The following TMC2 variants were observed in gnomAD, a reference collection of about 807,000 sequenced individuals.
TMC2 encodes the protein transmembrane channel-like protein 2.
TMC2 carries 102 observed loss-of-function variants against 105.9 expected under a neutral mutation model. The observed-to-expected ratio is 0.96, with a 90% CI of 0.82 to 1.14. TMC2 has a LOEUF of 1.14. Ranked by LOEUF, TMC2 falls within the 50% of genes most tolerant of loss-of-function variation. TMC2 has a pLI of 0.00. For missense variants in TMC2, 1,093 were observed against 1,134.3 expected, an observed-to-expected ratio of 0.96 and a Z score of 0.52; for synonymous variants, 402 against 422.8, an observed-to-expected ratio of 0.95 and a Z score of 0.60.
rs1292472332 is a variant in TMC2 at position 2,641,146 on chromosome 20, C to T, written c.2516C>T (p.Pro839Leu). 1 of 1,614,058 alleles carries T rather than the reference C, an allele frequency of 6.2e-7. No homozygotes were observed. The highest frequency in any genetic ancestry group is 1.3e-5 in the African/African-American group (1 of 74,932). The change falls in exon 20 of 20, where the codon CCC (proline) becomes CTC (leucine). Residue 839 changes from proline to leucine, a missense_variant. Transcript: ENST00000358864. ...GTTCGTTTTCCAGAGACCACTCCTC[C>T]CTCTGCCAGCCAAAGCCAGGCCATG... ...LQLTKEETTP[P>L]SASQSQAMDK...
rs2086001643 is a variant in TMC2 at position 2,558,681 on chromosome 20, A to G, written c.308A>G (p.Glu103Gly). The change falls in exon 3 of 20, where the codon GAG (glutamate) becomes GGG (glycine). Residue 103 changes from glutamate (E) to glycine (G), a missense_variant. Transcript: ENST00000358864. This position sits in a 1 kb window ranked among gnomAD's most constrained non-coding sequence, Gnocchi z 4.6. ...TGCGAGGGCAGGAGAAAGCGCGACG[A>G]GAGGGCCTCCTTCCAGGAGCGGACA... ...RTCEGRRKRD[E>G]RASFQERTAA... 6.2e-7 allele frequency: 1 copy of G among 1,601,134 alleles called. No homozygotes were observed. Among genetic ancestry groups the G allele is most frequent in the South Asian group, 1.1e-5 (1 of 88,868 alleles).
intron 7 of TMC2, among the ~76,000 whole-genome samples, chr20:2,587,318 T>C (rs1281684165): frequency 1.3e-5 from 2 of 152,200 alleles, no homozygotes; most frequent in Non-Finnish European, 2.9e-5. Flanking sequence ...TATATTGATT[T>C]ATTTTCAAAT....
chr20:2,591,518 A>G (rs965822668), intron 7 of TMC2, among the ~76,000 whole-genome samples: 1 of 152,118 alleles, frequency 6.6e-6, no homozygotes, highest in African/African-American at 2.4e-5. Flanking sequence ...CAGCTGGGCA[A>G]CATGGCAAAA....
At chr20:2,540,952 C>T (rs2122791309) in intron 2 of TMC2, among the ~76,000 whole-genome samples, 1 of 152,224 alleles carries the variant, frequency 6.6e-6, no homozygotes, top group Middle Eastern at 3.4e-3. Flanking sequence ...GCCTCCCACA[C>T]CAGAACACAC....
At position 2,606,499 on chromosome 20, in the gene TMC2, A is replaced by G. The variant is rs185802340; in HGVS notation, c.1414-3920A>G. On this transcript the variant is annotated intron_variant, in intron 11 of 19. Coordinates refer to ENST00000358864, the MANE Select transcript of TMC2 (RefSeq NM_080751.3). ...GGTCTCAAACTCCTGACCTCAAGTG[A>G]TCTGCCTGCCTCAGCCTCCCAAAGT... Among the ~76,000 whole-genome samples, 219 of 152,334 alleles carry G rather than the reference A, an allele frequency of 1.4e-3. 1 individual carries two copies. The highest frequency in any genetic ancestry group is 4.9e-3 in the African/African-American group (203 of 41,584).
At chr20:2,554,600 C>A (rs905877301) in intron 2 of TMC2, among the ~76,000 whole-genome samples, 1 of 152,168 alleles carries the variant, frequency 6.6e-6, no homozygotes, top group Non-Finnish European at 1.5e-5. Context: ...CTAAGCACTG[C>A]TTTTGCTGCA....
At chr20:2,619,170 C>T (rs1313815682) in intron 16 of TMC2, among the ~76,000 whole-genome samples, 1 of 152,106 alleles carries the variant, frequency 6.6e-6, no homozygotes, top group African/African-American at 2.4e-5. Flanking sequence ...TGCAGTTTGT[C>T]GGCTTTGGGT....
At chr20:2,544,375 C>A (rs1785235757) in intron 2 of TMC2, among the ~76,000 whole-genome samples, 1 of 152,206 alleles carries the variant, frequency 6.6e-6, no homozygotes, top group African/African-American at 2.4e-5. Flanking sequence ...TAATCTACTT[C>A]TCAGCCAGGA....
At chr20:2,597,832 G>C (rs538729543) in intron 10 of TMC2, among the ~76,000 whole-genome samples, 12 of 152,114 alleles carry the variant, frequency 7.9e-5, no homozygotes, top group African/African-American at 2.9e-4. Context: ...TATCCTGGAT[G>C]CTGAGACCTG....
At chr20:2,580,663 G>T (rs62195079) in intron 7 of TMC2, among the ~76,000 whole-genome samples, 173 of 152,156 alleles carry the variant, frequency 1.1e-3, no homozygotes, top group Non-Finnish European at 2.1e-3. Flanking sequence ...GTTCAGTGCA[G>T]CCTTGAACTC....
At chr20:2,549,612 G>A (rs560516445) in intron 2 of TMC2, among the ~76,000 whole-genome samples, 16 of 152,018 alleles carry the variant, frequency 1.1e-4, no homozygotes, top group Admixed American at 6.5e-4. Context: ...GCATGGTGGC[G>A]TGTGCCTGTA....
intron 5 of TMC2, among the ~76,000 whole-genome samples, chr20:2,576,278 G>A (rs1014609791): frequency 1.3e-5 from 2 of 152,142 alleles, no homozygotes; most frequent in Non-Finnish European, 2.9e-5. Context: ...CTGAGAAAGG[G>A]GCTTGGAATC....
At chr20:2,556,469 C>A (rs550130098) in intron 2 of TMC2, among the ~76,000 whole-genome samples, 5 of 152,132 alleles carry the variant, frequency 3.3e-5, no homozygotes, top group Admixed American at 6.6e-5. Context: ...CTCTGAAGAA[C>A]CTCCTTTAAC....
intron 11 of TMC2, 118 bp from the exon 12 acceptor site, chr20:2,610,300 CT>C: frequency 1.1e-6 from 1 of 949,478 alleles, no homozygotes; most frequent in Non-Finnish European, 1.6e-6. Context: ...CCCAGGGCAT[CT>C]CCAGGCGCAG....
chr20:2,565,885 CAA>C (rs1233948762), intron 4 of TMC2, among the ~76,000 whole-genome samples: 1 of 152,102 alleles, frequency 6.6e-6, no homozygotes, highest in African/African-American at 2.4e-5. Context: ...ACTAAAAATA[CAA>C]AAGTTAGCCG....
chr20:2,610,269 C>CT, intron 11 of TMC2, 150 bp from the exon 12 acceptor site: 1 of 641,668 alleles, frequency 1.6e-6, no homozygotes, highest in Non-Finnish European at 2.6e-6. Context: ...TTGCCAGGGT[C>CT]ACACAGCAAG....
chr20:2,621,082 G>A (rs535577254), intron 16 of TMC2, among the ~76,000 whole-genome samples: 32 of 152,312 alleles, frequency 2.1e-4, no homozygotes, highest in African/African-American at 7.7e-4. Context: ...AAGGAGGGAG[G>A]CCGGGTGCAG....
At chr20:2,585,093 A>G (rs2086223135) in intron 7 of TMC2, among the ~76,000 whole-genome samples, 1 of 152,206 alleles carries the variant, frequency 6.6e-6, no homozygotes, top group Non-Finnish European at 1.5e-5. Context: ...TATTGTGTCT[A>G]ACCTCTTTCA....
At position 2,610,570 on chromosome 20, in the gene TMC2, T is replaced by C; in HGVS notation, c.1565T>C (p.Leu522Ser). 6.2e-7 allele frequency: 1 copy of C among 1,605,594 alleles called. No homozygotes were observed. The highest frequency in any genetic ancestry group is 1.3e-5 in the African/African-American group (1 of 74,646). Residue 522 changes from leucine (L) to serine (S), a missense_variant, in exon 12 of 20, where the codon TTG (leucine) becomes TCG (serine). By Grantham distance (145) the Leu-to-Ser change is moderately radical. Coordinates refer to ENST00000358864, the MANE Select transcript of TMC2 (RefSeq NM_080751.3). ...LFLGNLYTFL[L>S]ALMDDVHLKL... Reference sequence around the variant, plus strand: ...CTGGGGAACCTCTACACATTTCTCTTGGCCCTGATGGATGACGTCCACCTC... The same window carrying C: ...CTGGGGAACCTCTACACATTTCTCTCGGCCCTGATGGATGACGTCCACCTC...
Sources: allele counts gnomAD v4.1 joint callset (sites outside exome capture counted in the v4.1 genomes callset), GRCh38; gene constraint gnomAD v4.1.1; non-coding constraint Gnocchi (gnomAD v3.1); transcripts MANE v1.5; gene names NCBI Gene and HGNC (gene_info 2026-07-23, HGNC 2026-07-21).